The following ABCC5 variants were observed in gnomAD, a reference collection of about 807,000 sequenced individuals.
ABCC5 encodes ATP binding cassette subfamily C member 5.
ABCC5 carries 61 observed loss-of-function variants against 160.9 expected under a neutral mutation model. The ratio of observed to expected loss-of-function variants is 0.38; its 90% confidence interval spans 0.31 to 0.47. ABCC5 has a LOEUF of 0.47. ABCC5 is among the 20% of genes least tolerant of loss of function. The pLI is 0.99. For missense variants in ABCC5, 1,308 were observed against 1,813.3 expected (o/e 0.72, Z 5.06); for synonymous variants, 666 against 700.6 (o/e 0.95, Z 0.78).
chr3:184,001,690 G>C (rs1720756162), intron 2 of ABCC5, among the ~76,000 whole-genome samples: 1 of 152,220 alleles, frequency 6.6e-6, no homozygotes, highest in Non-Finnish European at 1.5e-5. Context: ...GGTAACCCTA[G>C]ATAGCTGAAG....
chr3:183,943,951 C>A (rs1714602650), intron 24 of ABCC5, among the ~76,000 whole-genome samples: 1 of 152,180 alleles, frequency 6.6e-6, no homozygotes, highest in Non-Finnish European at 1.5e-5. Context: ...TGGGCAGCCA[C>A]CTGCCATCCT....
intron 17 of ABCC5, among the ~76,000 whole-genome samples, chr3:183,957,494 C>T (rs2108809258): frequency 6.8e-6 from 1 of 147,404 alleles, no homozygotes; most frequent in Admixed American, 6.8e-5. Context: ...ACATGCGGAT[C>T]CGTGTGTAAA....
intron 15 of ABCC5, among the ~76,000 whole-genome samples, chr3:183,961,882 C>A (rs751349220): frequency 6.6e-6 from 1 of 152,082 alleles, no homozygotes; most frequent in Non-Finnish European, 1.5e-5. Context: ...TGGGTTCAAG[C>A]GATTCTCCTG....
Position 183,978,503 on chromosome 3 carries a change from CTG to C in ABCC5, c.1294_1295del (p.Gln432GlyfsTer33). 6.2e-7 allele frequency: 1 copy of C among 1,612,530 alleles called. No individual in the cohort carries two copies. The highest frequency in any genetic ancestry group is 8.5e-7 in the Non-Finnish European group (1 of 1,179,612). ...MTLGFDLTAAQAFTVVTVFNS... is the reference protein window; with the variant it reads ...MTLGFDLTAAXAFTVVTVFNS... ...TCCCCATCCCTGAGGGTTCCCTGAC[CTG>C]TGCTGCTGTCAGATCGAAGCCCAGG... On this transcript the variant is annotated frameshift_variant and splice_region_variant, in exon 9 of 30. Transcript: ENST00000334444. LOFTEE classifies it high-confidence loss of function.
Position 183,963,593 on chromosome 3 carries a change from A to C in ABCC5, c.2032-5T>G. On this transcript the variant is annotated splice_region_variant and splice_polypyrimidine_tract_variant and intron_variant, in intron 14 of 29. Transcript: ENST00000334444. This position sits in a 1 kb window ranked among gnomAD's most constrained non-coding sequence, Gnocchi z 4.6. ...GTTGGCTCCTCGCTCTCCAATCTACAAGAGCCCAGAAGTGTGGTGAAGCCT... is the reference window on the plus strand; with the variant it reads ...GTTGGCTCCTCGCTCTCCAATCTACCAGAGCCCAGAAGTGTGGTGAAGCCT... 6.2e-7 allele frequency: 1 copy of C among 1,613,188 alleles called. No individual in the cohort carries two copies. The highest frequency in any genetic ancestry group is 8.5e-7 in the Non-Finnish European group (1 of 1,179,988).
intron 2 of ABCC5, among the ~76,000 whole-genome samples, chr3:184,003,886 A>G (rs566051119): frequency 6.6e-6 from 1 of 152,324 alleles, no homozygotes; most frequent in Non-Finnish European, 1.5e-5. Flanking sequence ...AAAATGAATC[A>G]CAGGGGTAAA....
chr3:183,926,609 T>C (rs1474797528), intron 28 of ABCC5, among the ~76,000 whole-genome samples: 1 of 152,086 alleles, frequency 6.6e-6, no homozygotes, highest in Non-Finnish European at 1.5e-5. Flanking sequence ...CCCTACATGC[T>C]CTGTGACAGT....
At chr3:184,014,525 G>GTA in intron 1 of ABCC5, 78 bp from the exon 2 acceptor site, 23 of 665,302 alleles carry the variant, frequency 3.5e-5, no homozygotes, top group Middle Eastern at 5.7e-4. Context: ...CTTAAAAATA[G>GTA]GAAAAAAAAA....
In ABCC5 at chr3:183,951,111, T is replaced by G. The variant is rs1179971424; in HGVS notation, c.2944+330A>C. 6.6e-6 allele frequency among the ~76,000 whole-genome samples: 1 copy of G among 152,176 alleles called. No individual in the cohort carries two copies. The highest frequency in any genetic ancestry group is 1.5e-5 in the Non-Finnish European group (1 of 68,028). On this transcript the variant is annotated intron_variant, in intron 20 of 29. Coordinates refer to ENST00000334444, the MANE Select transcript of ABCC5 (RefSeq NM_005688.4). This position sits in a 1 kb window ranked among gnomAD's most constrained non-coding sequence, Gnocchi z 4.7. ...CTCTGAACTGTGGGGGTACAGTATT[T>G]CAGTTCTGGTGCAGGCACAGCCCAT...
intron 16 of ABCC5, among the ~76,000 whole-genome samples, chr3:183,960,700 G>A (rs1037309242): frequency 1.3e-5 from 2 of 152,044 alleles, no homozygotes; most frequent in East Asian, 1.9e-4. Context: ...CCTATAACAG[G>A]GCACACAGGG....
intron 16 of ABCC5, 148 bp from the exon 17 acceptor site, chr3:183,959,983 C>G (rs1716574612): frequency 3.6e-6 from 2 of 561,134 alleles, no homozygotes; most frequent in Admixed American, 6.7e-5. Context: ...ATACTCATTT[C>G]TTGTACTTCC....
intron 29 of ABCC5, among the ~76,000 whole-genome samples, chr3:183,923,756 C>T (rs1255770440): frequency 6.6e-6 from 1 of 152,124 alleles, no homozygotes; most frequent in Non-Finnish European, 1.5e-5. Context: ...TCAGTCAACA[C>T]TTAGTTTAAG....
intron 2 of ABCC5, among the ~76,000 whole-genome samples, chr3:183,996,686 T>C (rs1308064470): frequency 6.6e-6 from 1 of 152,168 alleles, no homozygotes; most frequent in East Asian, 1.9e-4. Context: ...TCAGTGCAAT[T>C]TTATCCTAAC....
At chr3:183,970,160 G>A (rs1325928439) in intron 11 of ABCC5, among the ~76,000 whole-genome samples, 1 of 152,144 alleles carries the variant, frequency 6.6e-6, no homozygotes, top group Non-Finnish European at 1.5e-5. Context: ...TCTCACCAGA[G>A]GCTCTGGCAG....
At chr3:183,926,952 G>A (rs1417865827) in intron 28 of ABCC5, among the ~76,000 whole-genome samples, 7 of 151,748 alleles carry the variant, frequency 4.6e-5, no homozygotes, top group Non-Finnish European at 8.8e-5. Flanking sequence ...GGCTGAGGCA[G>A]GAGAATCACT....
Position 183,947,530 on chromosome 3 carries a change from T to A in ABCC5, c.3228-20A>T. The A allele has an allele frequency of 6.4e-7, 1 of 1,566,856 alleles. No homozygotes were observed. Among genetic ancestry groups the A allele is most frequent in the Non-Finnish European group, 8.7e-7 (1 of 1,151,458 alleles). On this transcript the variant is annotated intron_variant, in intron 22 of 29. Coordinates refer to ENST00000334444, the MANE Select transcript of ABCC5 (RefSeq NM_005688.4). ...TGGTATCTGTGAGAAAGACAACACT[T>A]AATGGGCAAAGAAAGTACTACACAA...
chr3:183,964,717 C>T (rs1193186663), intron 14 of ABCC5, among the ~76,000 whole-genome samples: 1 of 152,194 alleles, frequency 6.6e-6, no homozygotes, highest in Non-Finnish European at 1.5e-5. Context: ...AGTTTTAACA[C>T]TGAAGAGCAC....
At position 183,971,822 on chromosome 3, in the gene ABCC5, G is replaced by T. The variant is rs28365011; in HGVS notation, c.1502C>A (p.Ser501Tyr). ...EMKNATLAWD[S>Y]SHSSIQNSPK... ...CGAGTTCTGGATACTGGAGTGGGAG[G>T]AGTCCCATGCCAAGGTGGCATTTTT... The change falls in exon 11 of 30, where the codon TCC becomes TAC. Residue 501 changes from serine to tyrosine, a missense_variant. By Grantham distance (144) the Ser-to-Tyr change is moderately radical. Coordinates refer to ENST00000334444, the MANE Select transcript of ABCC5 (RefSeq NM_005688.4). 5,690 of 1,614,086 alleles carry T rather than the reference G, an allele frequency of 3.5e-3. 6 individuals carry two copies. Among genetic ancestry groups the T allele is most frequent in the Non-Finnish European group, 4.3e-3 (5,023 of 1,180,038 alleles).
chr3:183,979,120 G>GA (rs1718475364), intron 8 of ABCC5, among the ~76,000 whole-genome samples: 1 of 152,166 alleles, frequency 6.6e-6, no homozygotes, highest in African/African-American at 2.4e-5. Flanking sequence ...AAAGCAGGGG[G>GA]AATCACCTGA....
Sources: allele counts gnomAD v4.1 joint callset (sites outside exome capture counted in the v4.1 genomes callset), GRCh38; gene constraint gnomAD v4.1.1; non-coding constraint Gnocchi (gnomAD v3.1); transcripts MANE v1.5; gene names NCBI Gene and HGNC (gene_info 2026-07-23, HGNC 2026-07-21).